Variants in PCDHA3 observed in about 807,000 individuals in gnomAD.
The protein encoded by PCDHA3 is protocadherin alpha 3.
Under a neutral mutation model 62.2 loss-of-function variants are expected in PCDHA3, and 41 were observed. The ratio of observed to expected loss-of-function variants is 0.66; its 90% CI spans 0.51 to 0.86. The LOEUF (loss-of-function observed/expected upper bound fraction) is 0.86. PCDHA3 is among the 40% of genes least tolerant of loss of function. PCDHA3 has a pLI of 0.00. For synonymous variants in PCDHA3, 640 were observed against 555.4 expected, an observed-to-expected ratio of 1.15 and a Z score of -2.14; for missense variants, 1,304 against 1,241.2, an observed-to-expected ratio of 1.05 and a Z score of -0.76.
At chr5:140,997,291 G>C (rs2097766119) in intron 3 of PCDHA3, among the ~76,000 whole-genome samples, 1 of 152,030 alleles carries the variant, frequency 6.6e-6, no homozygotes, top group African/African-American at 2.4e-5. Flanking sequence ...TTAACAATGG[G>C]GATACACTGA....
At chr5:141,007,395 C>CAAAAAA (rs35800918) in intron 3 of PCDHA3, among the ~76,000 whole-genome samples, 36 of 94,826 alleles carry the variant, frequency 3.8e-4, no homozygotes, top group African/African-American at 6.0e-4. Context: ...TACTAAAATA[C>CAAAAAA]AAAAAAAAAA....
chr5:140,907,554 A>G (rs1554193052), intron 1 of PCDHA3, among the ~76,000 whole-genome samples: 2 of 152,224 alleles, frequency 1.3e-5, no homozygotes, highest in African/African-American at 2.4e-5. Context: ...AAGAGGTCCA[A>G]TATAATCAAC....
chr5:140,846,590 G>A (rs1780577373), intron 1 of PCDHA3, among the ~76,000 whole-genome samples: 1 of 148,312 alleles, frequency 6.7e-6, no homozygotes, highest in African/African-American at 2.5e-5. Context: ...TAGCCAGGAT[G>A]GTCTCGATCT....
chr5:140,834,517 T>C, intron 1 of PCDHA3: 2 of 1,614,066 alleles, frequency 1.2e-6, no homozygotes, highest in South Asian at 1.1e-5. Context: ...GGCAACTTCG[T>C]GGGCCGCATC....
intron 1 of PCDHA3, chr5:140,863,533 G>A: frequency 2.6e-6 from 1 of 389,860 alleles, no homozygotes; most frequent in Non-Finnish European, 5.0e-6. Flanking sequence ...TTCAGATTTT[G>A]GAGATGGACT....
chr5:140,836,089 G>A, intron 1 of PCDHA3: 1 of 1,613,682 alleles, frequency 6.2e-7, no homozygotes, highest in Non-Finnish European at 8.5e-7. Flanking sequence ...CTGGCGCCTC[G>A]GGTGGGTGGC....
At chr5:140,877,374 A>T in intron 1 of PCDHA3, 1 of 1,613,970 alleles carries the variant, frequency 6.2e-7, no homozygotes, top group African/African-American at 1.3e-5. Flanking sequence ...TCAGCACGAC[A>T]CGCATCCTGG....
At chr5:140,980,615 C>T (rs1182621837) in intron 2 of PCDHA3, among the ~76,000 whole-genome samples, 4 of 151,596 alleles carry the variant, frequency 2.6e-5, no homozygotes, top group Admixed American at 6.6e-5. Flanking sequence ...GGCGACAGTG[C>T]GAGACTCTGT....
rs2150395241 is a variant in PCDHA3, at chr5:140,846,875, G to A, written c.2394+43284G>A. Among the ~76,000 whole-genome samples the A allele has an allele frequency of 4.0e-5, 6 of 149,568 alleles. 1 individual carries two copies. Among genetic ancestry groups the A allele is most frequent in the Non-Finnish European group, 7.5e-5 (5 of 66,912 alleles). On this transcript the variant is annotated intron_variant, in intron 1 of 3. Transcript: ENST00000522353. ...CAAGATAATGTAACAGGTACAAGAG[G>A]TAAATCAGAATGACGTTGAAGTTGA... is the stretch of plus-strand genomic sequence containing the variant.
chr5:140,852,816 A>C, intron 1 of PCDHA3: 2 of 972,756 alleles, frequency 2.1e-6, no homozygotes, highest in Non-Finnish European at 1.2e-6. Flanking sequence ...CTCCCGCCCT[A>C]AGTCCTCCAG....
At chr5:140,928,471 G>T in intron 1 of PCDHA3, 1 of 1,614,148 alleles carries the variant, frequency 6.2e-7, no homozygotes, top group Non-Finnish European at 8.5e-7. Context: ...CCAAGTAGAA[G>T]GCCGGGATGG....
chr5:140,992,342 T>C (rs2097506091), intron 3 of PCDHA3, among the ~76,000 whole-genome samples: 1 of 152,102 alleles, frequency 6.6e-6, no homozygotes. Flanking sequence ...AAGATGGAAA[T>C]GTGGAGAGAG....
intron 1 of PCDHA3, among the ~76,000 whole-genome samples, chr5:140,906,351 C>A (rs966982758): frequency 3.9e-5 from 6 of 152,128 alleles, no homozygotes; most frequent in Non-Finnish European, 5.9e-5. Context: ...CAAGAATGCA[C>A]CAATTCCCAA....
intron 1 of PCDHA3, among the ~76,000 whole-genome samples, chr5:140,888,454 A>G (rs1167294283): frequency 6.6e-6 from 1 of 152,234 alleles, no homozygotes; most frequent in Non-Finnish European, 1.5e-5. Context: ...ATAAAGAATT[A>G]GCTCAAAATG....
rs2150467797 is a variant in PCDHA3 at position 140,850,109 on chromosome 5, C to G, written c.2394+46518C>G. ...TGCTACAGTTCCAGGTGAGCGCGCG[C>G]GACGCGGGCGTGCCGCCTCTGGGCA... On this transcript the variant is annotated intron_variant, in intron 1 of 3. Coordinates refer to ENST00000522353, the MANE Select transcript of PCDHA3 (RefSeq NM_018906.3). 1.1e-4 allele frequency: 170 copies of G among 1,596,054 alleles called. 9 individuals are homozygous for G. Among genetic ancestry groups the G allele is most frequent in the Non-Finnish European group, 2.6e-5 (30 of 1,167,820 alleles).
chr5:140,854,297 T>C (rs1194574834), intron 1 of PCDHA3: 2 of 419,142 alleles, frequency 4.8e-6, no homozygotes, highest in Non-Finnish European at 6.4e-6. Context: ...TATTATTTTG[T>C]GCGTGGAGAT....
intron 1 of PCDHA3, among the ~76,000 whole-genome samples, chr5:140,827,206 A>G (rs1769216387): frequency 6.6e-6 from 1 of 152,196 alleles, no homozygotes; most frequent in South Asian, 2.1e-4. Flanking sequence ...AGTGAGTGAG[A>G]ACAATTAAAG....
chr5:140,885,465 C>T (rs1363216895), intron 1 of PCDHA3, among the ~76,000 whole-genome samples: 1 of 152,144 alleles, frequency 6.6e-6, no homozygotes, highest in Non-Finnish European at 1.5e-5. Context: ...TAATGATGGG[C>T]AATCACTTTG....
At chr5:140,942,618 G>A (rs2093340526) in intron 1 of PCDHA3, among the ~76,000 whole-genome samples, 1 of 97,740 alleles carries the variant, frequency 1.0e-5, no homozygotes. Context: ...TTTGCCAATT[G>A]TAAAAAAAAA....
Sources: allele counts gnomAD v4.1 joint callset (sites outside exome capture counted in the v4.1 genomes callset), GRCh38; gene constraint gnomAD v4.1.1; transcripts MANE v1.5; gene names NCBI Gene and HGNC (gene_info 2026-07-23, HGNC 2026-07-21).